Variants in INTS14 observed in about 807,000 individuals in gnomAD.
INTS14 encodes integrator complex subunit 14, also known as UPF0464 protein C15orf44.
INTS14 carries 27 observed loss-of-function variants against 56.9 expected under a neutral mutation model. That is an observed-to-expected ratio of 0.47 (90% CI 0.35 to 0.65). The LOEUF (loss-of-function observed/expected upper bound fraction) is 0.65. INTS14 is among the 30% of genes least tolerant of loss of function. The probability of loss-of-function intolerance (pLI) is 0.00; values close to 1 mark genes in which losing one functional copy is unlikely to be tolerated. For missense variants in INTS14, 517 were observed against 632.2 expected (o/e 0.82, Z 1.95); for synonymous variants, 207 against 236.2 (o/e 0.88, Z 1.13).
chr15:65,587,350 G>GA (rs1017188703), intron 9 of INTS14, among the ~76,000 whole-genome samples: 7 of 144,352 alleles, frequency 4.8e-5, no homozygotes, highest in South Asian at 2.2e-4. Flanking sequence ...ATGACGCTAA[G>GA]AAAAAAAAAG....
chr15:65,592,259 C>T (rs566130191), intron 8 of INTS14, among the ~76,000 whole-genome samples: 1 of 152,336 alleles, frequency 6.6e-6, no homozygotes, highest in African/African-American at 2.4e-5. Context: ...GTAAGATCTG[C>T]ATTCCTCTTT....
chr15:65,602,967 G>A (rs1281092688), intron 3 of INTS14, among the ~76,000 whole-genome samples: 2 of 152,132 alleles, frequency 1.3e-5, no homozygotes, highest in Admixed American at 6.5e-5. Context: ...ACAAGGTCTG[G>A]TTCTTAAAAT....
chr15:65,583,640 CT>C (rs1179723698), intron 10 of INTS14, among the ~76,000 whole-genome samples: 1 of 151,960 alleles, frequency 6.6e-6, no homozygotes, highest in Non-Finnish European at 1.5e-5. Context: ...CTAAATGGGA[CT>C]GAATTGTGTA....
intron 6 of INTS14, 58 bp downstream of exon 6, chr15:65,598,263 G>A: frequency 6.5e-7 from 1 of 1,529,820 alleles, no homozygotes; most frequent in East Asian, 2.3e-5. Flanking sequence ...AAAGTCACAA[G>A]TCAGAAGAAA....
intron 3 of INTS14, 121 bp from the exon 4 acceptor site, chr15:65,600,050 G>C (rs1383524570): frequency 8.2e-6 from 9 of 1,101,236 alleles, no homozygotes; most frequent in African/African-American, 1.6e-5. Context: ...GCTCAAGCCT[G>C]TAATCCCAGT....
intron 11 of INTS14, among the ~76,000 whole-genome samples, chr15:65,580,923 A>C (rs2072582207): frequency 6.6e-6 from 1 of 152,186 alleles, no homozygotes; most frequent in African/African-American, 2.4e-5. Context: ...GTGTAATGTT[A>C]GATATCATTC....
intron 3 of INTS14, among the ~76,000 whole-genome samples, chr15:65,601,448 T>G (rs1802231174): frequency 1.3e-5 from 2 of 152,190 alleles, no homozygotes; most frequent in African/African-American, 4.8e-5. Flanking sequence ...GTTAAAGTGA[T>G]TCTCCTGCCT....
intron 6 of INTS14, among the ~76,000 whole-genome samples, chr15:65,597,844 C>T (rs1014189804): frequency 2.3e-4 from 35 of 152,066 alleles, no homozygotes; most frequent in Non-Finnish European, 2.9e-5. Context: ...TCTAATAATT[C>T]GTGGTTATAA....
intron 9 of INTS14, among the ~76,000 whole-genome samples, chr15:65,589,712 T>TCC (rs1452501913): frequency 6.6e-6 from 1 of 152,146 alleles, no homozygotes; most frequent in Non-Finnish European, 1.5e-5. Context: ...TTTTTCAGCT[T>TCC]CCATATATGG....
intron 9 of INTS14, among the ~76,000 whole-genome samples, chr15:65,585,681 T>G (rs116264098): frequency 1.1e-3 from 167 of 152,302 alleles, no homozygotes; most frequent in African/African-American, 3.8e-3. Context: ...ATTTGATCTT[T>G]ATTATTATTA....
Position 65,607,186 on chromosome 15 carries a change from G to A in INTS14, c.195C>T (p.Pro65=), listed in dbSNP as rs751922005. The A allele has an allele frequency of 3.7e-6, 6 of 1,614,156 alleles. No individual in the cohort carries two copies. Among genetic ancestry groups the A allele is most frequent in the East Asian group, 2.2e-5 (1 of 44,890 alleles). The part of the protein sequence containing the change: ...VFSSLWELMV[P]FTRDYNTLQE... Reference sequence around the variant, plus strand: ...GTAGGGTATTATAATCTCTCGTGAAGGGGACCATCAACTCCCAAAGTGATG... The same window carrying A: ...GTAGGGTATTATAATCTCTCGTGAAAGGGACCATCAACTCCCAAAGTGATG... The change falls in exon 2 of 12, where the codon CCC becomes CCT. Residue 65 remains proline, a synonymous_variant. Coordinates refer to ENST00000313182, the MANE Select transcript of INTS14 (RefSeq NM_001394796.1).
At chr15:65,580,742 T>C (rs749285427) in intron 11 of INTS14, among the ~76,000 whole-genome samples, 3 of 152,226 alleles carry the variant, frequency 2.0e-5, no homozygotes, top group Non-Finnish European at 2.9e-5. Context: ...TACTTTATGC[T>C]GCACTTAATT....
At chr15:65,580,581 C>T (rs1425058338) in intron 11 of INTS14, among the ~76,000 whole-genome samples, 1 of 152,178 alleles carries the variant, frequency 6.6e-6, no homozygotes, top group Non-Finnish European at 1.5e-5. Context: ...CACCAGCTTA[C>T]TACATAATTA....
chr15:65,593,639 CT>C, intron 7 of INTS14, 67 bp from the exon 8 acceptor site: 1 of 1,549,106 alleles, frequency 6.5e-7, no homozygotes, highest in East Asian at 2.3e-5. Flanking sequence ...CCAATTTATA[CT>C]CTTGGATGTT....
At chr15:65,588,002 G>A (rs897525650) in intron 9 of INTS14, among the ~76,000 whole-genome samples, 4 of 151,838 alleles carry the variant, frequency 2.6e-5, no homozygotes, top group South Asian at 2.1e-4. Context: ...ATAATAAGAC[G>A]GGAGGCCGGG....
At chr15:65,598,742 T>C (rs1726489242) in intron 5 of INTS14, 130 bp downstream of exon 5, 1 of 836,820 alleles carries the variant, frequency 1.2e-6, no homozygotes, top group African/African-American at 1.7e-5. Context: ...CATCACTTTA[T>C]CTGAAAAATG....
chr15:65,588,303 A>AAATAAT (rs201363711), intron 9 of INTS14, among the ~76,000 whole-genome samples: 1 of 151,514 alleles, frequency 6.6e-6, no homozygotes, highest in Non-Finnish European at 1.5e-5. Context: ...TAAATAAATA[A>AAATAAT]AATAATAATA....
At position 65,598,458 on chromosome 15, in the gene INTS14, A is replaced by G; in HGVS notation, c.611T>C (p.Leu204Pro). 1 of 1,613,022 alleles carries G rather than the reference A, an allele frequency of 6.2e-7. No individual in the cohort carries two copies. Among genetic ancestry groups the G allele is most frequent in the Non-Finnish European group, 8.5e-7 (1 of 1,179,542 alleles). ...GAAAGGCGTATATGCCAAATCTATC[A>G]GTTTTCTAGAATATGATAATTAATA... ...LKNVQSMFGK[L>P]IDLAYTPFHA... The change falls in exon 6 of 12, where the codon CTG becomes CCG. Residue 204 changes from leucine (L) to proline (P), a missense_variant. Physicochemically the swap from Leu to Pro is moderately conservative, Grantham distance 98. Transcript: ENST00000313182.
chr15:65,609,031 G>A (rs371510073), intron 1 of INTS14, among the ~76,000 whole-genome samples: 209 of 152,236 alleles, frequency 1.4e-3, no homozygotes, highest in African/African-American at 4.5e-3. Flanking sequence ...CCGAGTAGCC[G>A]GGACTACAGG....
Sources: gnomAD v4.1 joint callset for allele counts (sites outside exome capture counted in the v4.1 genomes callset) on GRCh38, gnomAD v4.1.1 for gene constraint, MANE v1.5 for transcripts, NCBI Gene and HGNC (gene_info 2026-07-23, HGNC 2026-07-21) for gene names.